EVL: variants seen among roughly 807,000 people sequenced by gnomAD.
The protein encoded by EVL is ena/VASP-like protein.
In EVL, 21 loss-of-function variants were observed where a neutral mutation model predicts 59.6. The ratio of observed to expected loss-of-function variants is 0.35; its 90% CI spans 0.25 to 0.51. The LOEUF (loss-of-function observed/expected upper bound fraction) is 0.51. Among genes scored for constraint, EVL ranks in the 20% least tolerant of loss-of-function variants. The pLI, the probability that EVL is intolerant of heterozygous loss-of-function variation, is 0.97. For synonymous variants in EVL, 198 were observed against 203.5 expected, an observed-to-expected ratio of 0.97 and a Z score of 0.23; for missense variants, 462 against 546.6, an observed-to-expected ratio of 0.85 and a Z score of 1.54.
intron 1 of EVL, among the ~76,000 whole-genome samples, chr14:99,999,552 A>G (rs912795055): frequency 3.3e-5 from 5 of 152,220 alleles, no homozygotes; most frequent in Non-Finnish European, 7.3e-5. Flanking sequence ...AATCACAGCT[A>G]TTCAGAAGGC....
intron 1 of EVL, among the ~76,000 whole-genome samples, chr14:100,005,326 A>C (rs930130752): frequency 3.3e-5 from 5 of 152,258 alleles, no homozygotes; most frequent in African/African-American, 1.2e-4. Flanking sequence ...AAATAATTCA[A>C]GATGTAGCTG....
intron 1 of EVL, among the ~76,000 whole-genome samples, chr14:100,028,139 T>TTGTTTG (rs770891231): frequency 4.6e-4 from 68 of 148,002 alleles, no homozygotes; most frequent in African/African-American, 1.7e-3. Flanking sequence ...TGTTTGTTTT[T>TTGTTTG]TTTTTTTTTT....
intron 1 of EVL, among the ~76,000 whole-genome samples, chr14:100,033,539 C>T (rs1000546384): frequency 6.6e-6 from 1 of 152,182 alleles, no homozygotes; most frequent in Admixed American, 6.5e-5. Flanking sequence ...TCCATAGCTG[C>T]TTTCTACCCT....
chr14:100,021,420 A>G (rs2061122307), intron 1 of EVL, among the ~76,000 whole-genome samples: 1 of 152,166 alleles, frequency 6.6e-6, no homozygotes, highest in South Asian at 2.1e-4. Context: ...TGGCCCTGAA[A>G]AATTTTACTG....
intron 1 of EVL, among the ~76,000 whole-genome samples, chr14:99,978,924 C>T (rs561458262): frequency 1.3e-5 from 2 of 152,268 alleles, no homozygotes; most frequent in South Asian, 2.1e-4. Context: ...CACATGTCCA[C>T]TTATTTTAGC....
intron 13 of EVL, chr14:100,142,276 T>C (rs952902703): frequency 2.0e-5 from 3 of 152,824 alleles, no homozygotes; most frequent in African/African-American, 7.2e-5. Context: ...AGGCTTGAGC[T>C]CGTTCACAGC....
In EVL at chr14:100,126,787, C is replaced by T. The variant is rs772878970; in HGVS notation, c.487+16C>T. On this transcript the variant is annotated intron_variant, in intron 5 of 13. Coordinates refer to ENST00000392920, the MANE Select transcript of EVL (RefSeq NM_016337.3). ...TCGGCCACAGGTGAGAGCCCTCCTC[C>T]CCTAGGGCCGACTCCCATGCTGCTG... 6.2e-7 allele frequency: 1 copy of T among 1,612,092 alleles called. No homozygotes were observed. The highest frequency in any genetic ancestry group is 8.5e-7 in the Non-Finnish European group (1 of 1,179,118).
At chr14:100,052,153 C>T (rs2061657774) in intron 1 of EVL, among the ~76,000 whole-genome samples, 1 of 152,174 alleles carries the variant, frequency 6.6e-6, no homozygotes, top group Admixed American at 6.5e-5. Context: ...AACTAAGAAT[C>T]CCGAAGTGCT....
intron 3 of EVL, among the ~76,000 whole-genome samples, chr14:100,121,442 C>T (rs1396377669): frequency 1.3e-5 from 2 of 152,206 alleles, no homozygotes; most frequent in Non-Finnish European, 2.9e-5. Flanking sequence ...AACAAAAGGA[C>T]TGTACTTTTA....
chr14:100,083,008 A>G (rs2062346283), intron 1 of EVL, among the ~76,000 whole-genome samples: 1 of 152,210 alleles, frequency 6.6e-6, no homozygotes, highest in African/African-American at 2.4e-5. Context: ...GCTGCCACAC[A>G]GGGACTCTAG....
At chr14:100,125,150 A>ACACACACACACACC (rs1555361572) in intron 4 of EVL, among the ~76,000 whole-genome samples, 34 of 128,354 alleles carry the variant, frequency 2.6e-4, no homozygotes, top group Middle Eastern at 8.2e-3. Context: ...ACACACACAC[A>ACACACACACACACC]CCTGCCCCAA....
At chr14:100,095,837 C>T (rs1885771419) in intron 2 of EVL, among the ~76,000 whole-genome samples, 1 of 152,192 alleles carries the variant, frequency 6.6e-6, no homozygotes, top group Non-Finnish European at 1.5e-5. Context: ...AAGCGATTCT[C>T]GTGCCTCAGC....
rs569061801 is a variant in EVL at position 100,130,787 on chromosome 14, G to A, written c.839+1103G>A. Among the ~76,000 whole-genome samples the A allele has an allele frequency of 1.4e-4, 21 of 152,346 alleles. No individual in the cohort carries two copies. The highest frequency in any genetic ancestry group is 8.5e-4 in the Admixed American group (13 of 15,306). On this transcript the variant is annotated intron_variant, in intron 7 of 13. Coordinates refer to ENST00000392920, the MANE Select transcript of EVL (RefSeq NM_016337.3). The surrounding 1 kb of genome is among the most constrained non-coding windows in gnomAD (Gnocchi z 4.8). Reference sequence around the variant, plus strand: ...AGATGGCAGGGAGGGGAGGCTCCCCGTGTGTCAGGGAGCAGCAAGGTGGAT... The same window carrying A: ...AGATGGCAGGGAGGGGAGGCTCCCCATGTGTCAGGGAGCAGCAAGGTGGAT...
intron 1 of EVL, among the ~76,000 whole-genome samples, chr14:100,010,086 AAAGG>A (rs1462049889): frequency 1.3e-5 from 2 of 152,196 alleles, no homozygotes; most frequent in African/African-American, 2.4e-5. Flanking sequence ...CTGGATCTGG[AAAGG>A]AAGGAAGAAA....
rs142412025 is a variant in EVL, at chr14:99,974,130, G to A, written c.5+2073G>A. Among the ~76,000 whole-genome samples, 748 of 152,202 alleles carry A rather than the reference G, an allele frequency of 4.9e-3. 4 individuals are homozygous for A. The highest frequency in any genetic ancestry group is 0.017 in the African/African-American group (724 of 41,516). On this transcript the variant is annotated intron_variant, in intron 1 of 13. Coordinates refer to the EVL transcript ENST00000402714. ...TGAGATATAATTCACACAGTAAAAT[G>A]TACCCATTTAAAGCCTATGGTTTAG...
chr14:100,034,526 G>T (rs1297415241), intron 1 of EVL, among the ~76,000 whole-genome samples: 2 of 151,600 alleles, frequency 1.3e-5, no homozygotes, highest in Non-Finnish European at 2.9e-5. Context: ...GAAGTGGGAG[G>T]ATCACTTGAG....
intron 1 of EVL, among the ~76,000 whole-genome samples, chr14:100,069,995 C>T (rs973666170): frequency 4.1e-5 from 6 of 147,806 alleles, no homozygotes; most frequent in African/African-American, 1.3e-4. Flanking sequence ...GAGAGGCCAA[C>T]GCAGGTAGAT....
At chr14:100,129,512 C>G (rs766079655) in intron 6 of EVL, 51 bp from the exon 7 acceptor site, 4 of 1,609,664 alleles carry the variant, frequency 2.5e-6, no homozygotes, top group Non-Finnish European at 3.4e-6. Flanking sequence ...GTTGCTGCTC[C>G]TGTTCTGCCA....
At chr14:100,019,551 TGTG>T in intron 1 of EVL, 1 of 845,790 alleles carries the variant, frequency 1.2e-6, no homozygotes, top group Non-Finnish European at 1.8e-6. Flanking sequence ...TATTGGGGGG[TGTG>T]GAAACCCCGC....
Sources: allele counts gnomAD v4.1 joint callset (sites outside exome capture counted in the v4.1 genomes callset), GRCh38; gene constraint gnomAD v4.1.1; non-coding constraint Gnocchi (gnomAD v3.1); transcripts MANE v1.5; gene names NCBI Gene and HGNC (gene_info 2026-07-23, HGNC 2026-07-21).